Variants in LRRIQ1 observed in about 807,000 individuals in gnomAD.
The protein encoded by LRRIQ1 is leucine rich repeats and IQ motif containing 1, also known as leucine-rich repeat- and IQ domain-containing protein 1.
Under a neutral mutation model 211.9 loss-of-function variants are expected in LRRIQ1, and 210 were observed. The observed-to-expected ratio is 0.99, with a 90% confidence interval of 0.89 to 1.11. The LOEUF is 1.11. Ranked by LOEUF, LRRIQ1 falls within the 50% of genes most tolerant of loss-of-function variation. The pLI is 0.00. For missense variants in LRRIQ1, 2,136 were observed against 1,939.5 expected (o/e 1.10, Z -1.90); for synonymous variants, 699 against 650.1 (o/e 1.08, Z -1.14).
chr12:85,158,988 A>T (rs186624744), intron 23 of LRRIQ1, among the ~76,000 whole-genome samples: 4 of 152,010 alleles, frequency 2.6e-5, no homozygotes, highest in Admixed American at 2.0e-4. Flanking sequence ...TCTATCTAAA[A>T]GTACTATGTT....
intron 15 of LRRIQ1, among the ~76,000 whole-genome samples, chr12:85,110,657 C>T (rs1355628686): frequency 2.0e-5 from 3 of 152,006 alleles, no homozygotes; most frequent in Admixed American, 1.3e-4. Flanking sequence ...CAAGGAGAAA[C>T]GGCCTTGGCT....
chr12:85,165,221 A>G (rs1048356532), intron 24 of LRRIQ1, among the ~76,000 whole-genome samples: 1 of 152,112 alleles, frequency 6.6e-6, no homozygotes, highest in African/African-American at 2.4e-5. Context: ...TTTGGGCTAC[A>G]AATGATCTCA....
intron 1 of LRRIQ1, among the ~76,000 whole-genome samples, chr12:85,261,571 C>T (rs1472428521): frequency 2.7e-5 from 4 of 150,518 alleles, no homozygotes; most frequent in African/African-American, 9.8e-5. Flanking sequence ...TTTTCTCTAA[C>T]CTTACTTAAG....
intron 15 of LRRIQ1, among the ~76,000 whole-genome samples, chr12:85,119,058 G>A (rs756402440): frequency 3.3e-5 from 5 of 151,872 alleles, no homozygotes; most frequent in Admixed American, 6.6e-5. Context: ...GTTCACTCTT[G>A]GTGTTTCATA....
the LRRIQ1 span, among the ~76,000 whole-genome samples, chr12:85,270,282 CTG>C: frequency 6.6e-6 from 1 of 152,086 alleles, no homozygotes; most frequent in Non-Finnish European, 1.5e-5. Context: ...TAAAAGGTAA[CTG>C]TACTTGTTTT....
Position 85,153,691 on chromosome 12 carries a change from C to T in LRRIQ1, c.4570C>T (p.Pro1524Ser), listed in dbSNP as rs1413858475. The T allele has an allele frequency of 3.2e-6, 5 of 1,583,754 alleles. No individual in the cohort carries two copies. The highest frequency in any genetic ancestry group is 3.7e-5 in the Admixed American group (2 of 54,098). ...RSENKTSSWT[P>S]ESKTSRKSLL... ...AGAAAATAAAACTTCTTCCTGGACA[C>T]CTGAATCAAAGACCAGTAGAAAGAG... The change falls in exon 22 of 27, where the codon CCT becomes TCT. Residue 1524 changes from proline to serine, a missense_variant. Coordinates refer to ENST00000393217, the MANE Select transcript of LRRIQ1 (RefSeq NM_001079910.2).
intron 24 of LRRIQ1, among the ~76,000 whole-genome samples, chr12:85,197,917 AAT>A (rs1183186038): frequency 2.5e-5 from 3 of 120,374 alleles, no homozygotes; most frequent in Admixed American, 2.1e-4. Flanking sequence ...ATATAATAAA[AAT>A]ATATATAATA....
At chr12:85,197,308 C>T (rs1309440638) in intron 24 of LRRIQ1, among the ~76,000 whole-genome samples, 1 of 151,594 alleles carries the variant, frequency 6.6e-6, no homozygotes, top group African/African-American at 2.4e-5. Context: ...TACCATTTGA[C>T]CCAGCCATCC....
downstream of LRRIQ1, among the ~76,000 whole-genome samples, chr12:85,245,284 A>G (rs371002986): frequency 6.6e-6 from 1 of 151,428 alleles, no homozygotes; most frequent in African/African-American, 2.4e-5. Flanking sequence ...TTGATTTAAT[A>G]GATACTGTAT....
chr12:85,096,951 A>G (rs997410085), intron 11 of LRRIQ1, among the ~76,000 whole-genome samples: 2 of 152,152 alleles, frequency 1.3e-5, no homozygotes, highest in African/African-American at 2.4e-5. Flanking sequence ...GGTTTAAAGC[A>G]TAGTTTATCT....
downstream of LRRIQ1, among the ~76,000 whole-genome samples, chr12:85,247,190 G>T (rs1169162266): frequency 1.3e-5 from 2 of 151,560 alleles, no homozygotes; most frequent in Non-Finnish European, 3.0e-5. Context: ...ATTTGGCTTA[G>T]TCTATTTTTC....
chr12:85,144,185 A>G (rs1889735684), intron 19 of LRRIQ1, among the ~76,000 whole-genome samples: 1 of 151,624 alleles, frequency 6.6e-6, no homozygotes, highest in Non-Finnish European at 1.5e-5. Flanking sequence ...CTGAACCTGC[A>G]TTAGTTCACT....
At chr12:85,241,688 G>A (rs1418706438) in intron 26 of LRRIQ1, among the ~76,000 whole-genome samples, 1 of 151,694 alleles carries the variant, frequency 6.6e-6, no homozygotes, top group Non-Finnish European at 1.5e-5. Flanking sequence ...GCATGTAAGG[G>A]GACTTCATCT....
At chr12:85,178,144 CT>C (rs1321812660) in intron 24 of LRRIQ1, among the ~76,000 whole-genome samples, 4 of 151,860 alleles carry the variant, frequency 2.6e-5, no homozygotes, top group African/African-American at 9.7e-5. Context: ...GTCCCATTTC[CT>C]TTTTATGGCT....
chr12:85,228,817 T>A (rs1894794971), intron 24 of LRRIQ1, among the ~76,000 whole-genome samples: 1 of 152,194 alleles, frequency 6.6e-6, no homozygotes, highest in Admixed American at 6.5e-5. Flanking sequence ...TATTTCAAAG[T>A]AATAAATTGA....
At chr12:85,047,141 TAAAGTA>T in intron 5 of LRRIQ1, 100 bp from the exon 6 acceptor site, 1 of 786,940 alleles carries the variant, frequency 1.3e-6, no homozygotes, top group Admixed American at 3.4e-5. Flanking sequence ...CCCTAGAACT[TAAAGTA>T]AAATTAAAAA....
At chr12:85,268,117 A>T (rs902448649), downstream of LRRIQ1, among the ~76,000 whole-genome samples, 3 of 151,680 alleles carry the variant, frequency 2.0e-5, no homozygotes, top group Admixed American at 1.3e-4. Flanking sequence ...TATTTAGGAA[A>T]TATTTCCATG....
At chr12:85,073,246 T>C (rs1378325526) in intron 11 of LRRIQ1, 148 bp downstream of exon 11, 2 of 543,564 alleles carry the variant, frequency 3.7e-6, no homozygotes, top group Non-Finnish European at 6.3e-6. Flanking sequence ...AAGCTTTATT[T>C]TGCAAACATT....
rs1162846056 is a variant in LRRIQ1 at position 85,244,876 on chromosome 12, A to T, written c.5104A>T (p.Asn1702Tyr). ...TTTGTCTGTGAACAGAGAAAAAAAA[A>T]ATCAGGCACACAGACACTCAGCAGG... Reference protein sequence around the residue: ...SALSVNREKKNQAHRHSAGSS... With the variant: ...SALSVNREKKYQAHRHSAGSS... Residue 1702 changes from asparagine (N) to tyrosine (Y), a missense_variant, in exon 27 of 27, where the codon AAT becomes TAT. By Grantham distance (143) the Asn-to-Tyr change is moderately radical (BLOSUM62 -2). Coordinates refer to ENST00000393217, the MANE Select transcript of LRRIQ1 (RefSeq NM_001079910.2). 6.2e-7 allele frequency: 1 copy of T among 1,611,780 alleles called. No homozygotes were observed. The highest frequency in any genetic ancestry group is 2.2e-5 in the East Asian group (1 of 44,808).
Sources: allele counts gnomAD v4.1 joint callset (sites outside exome capture counted in the v4.1 genomes callset), GRCh38; gene constraint gnomAD v4.1.1; transcripts MANE v1.5; gene names NCBI Gene and HGNC (gene_info 2026-07-23, HGNC 2026-07-21).